Variants in TPCN1 observed in about 807,000 individuals in gnomAD.
TPCN1 encodes the protein two pore channel protein 1.
A neutral mutation model predicts 108.8 loss-of-function variants in TPCN1; 52 were observed. That is an observed-to-expected ratio of 0.48 (90% CI 0.38 to 0.60). The LOEUF is 0.60. Ranked by LOEUF, TPCN1 falls within the 20% of genes least tolerant of loss-of-function variation. The pLI, the probability that TPCN1 is intolerant of heterozygous loss-of-function variation, is 0.00. For missense variants in TPCN1, 806 were observed against 1,072.8 expected (o/e 0.75, Z 3.47); for synonymous variants, 446 against 433.7 (o/e 1.03, Z -0.35).
At chr12:113,279,682 G>A (rs1955824096) in intron 14 of TPCN1, among the ~76,000 whole-genome samples, 1 of 151,956 alleles carries the variant, frequency 6.6e-6, no homozygotes, top group Non-Finnish European at 1.5e-5. Context: ...GGGATTACAG[G>A]CGTGAGCCAC....
At chr12:113,287,161 T>G in intron 19 of TPCN1, 67 bp downstream of exon 19, 2 of 1,349,386 alleles carry the variant, frequency 1.5e-6, no homozygotes, top group Non-Finnish European at 2.1e-6. Context: ...CCAGGATTGA[T>G]CCGGGAAGTG....
intron 27 of TPCN1, among the ~76,000 whole-genome samples, chr12:113,295,403 C>T (rs1956391685): frequency 6.8e-6 from 1 of 146,232 alleles, no homozygotes; most frequent in African/African-American, 2.6e-5. Flanking sequence ...TACCTCGCCA[C>T]TGCTCTCCAG....
At chr12:113,225,309 T>G (rs1247079526) in intron 1 of TPCN1, 2 of 448,232 alleles carry the variant, frequency 4.5e-6, no homozygotes, top group Admixed American at 4.7e-5. Context: ...TTCTCCCACC[T>G]TGACCTCCCA....
chr12:113,237,639 G>A (rs1449839078), intron 2 of TPCN1, among the ~76,000 whole-genome samples: 3 of 152,128 alleles, frequency 2.0e-5, no homozygotes, highest in African/African-American at 7.2e-5. Flanking sequence ...GATTACAGGC[G>A]TGAGCCACCA....
chr12:113,290,314 C>T, intron 22 of TPCN1, 71 bp downstream of exon 22: 1 of 1,093,572 alleles, frequency 9.1e-7, no homozygotes, highest in Admixed American at 2.0e-5. Context: ...CACCACGGGT[C>T]CCAGAGGTGG....
At position 113,242,690 on chromosome 12, in the gene TPCN1, C is replaced by T. The variant is rs7958764; in HGVS notation, c.112+15726C>T. On this transcript the variant is annotated intron_variant, in intron 2 of 27. Coordinates refer to ENST00000335509, the MANE Select transcript of TPCN1 (RefSeq NM_017901.6). Reference sequence around the variant, plus strand: ...ACAGAACCCTCTGCAGTTTCTCAGACGTGCCCTGCTGTTGAAGTCTCTGTG... The same window carrying T: ...ACAGAACCCTCTGCAGTTTCTCAGATGTGCCCTGCTGTTGAAGTCTCTGTG... 5.8e-3 allele frequency among the ~76,000 whole-genome samples: 883 copies of T among 151,836 alleles called. 8 individuals are homozygous for T. The highest frequency in any genetic ancestry group is 0.021 in the African/African-American group (848 of 41,236).
chr12:113,268,763 T>C lies in TPCN1; in HGVS notation c.550T>C (p.Phe184Leu). 2.5e-6 allele frequency: 4 copies of C among 1,613,686 alleles called. No homozygotes were observed. The highest frequency in any genetic ancestry group is 3.4e-6 in the Non-Finnish European group (4 of 1,179,958). Residue 184 changes from phenylalanine to leucine, a missense_variant, in exon 6 of 28, where the codon TTT becomes CTT. Coordinates refer to ENST00000335509, the MANE Select transcript of TPCN1 (RefSeq NM_017901.6). This position sits in a 1 kb window ranked among gnomAD's most constrained non-coding sequence, Gnocchi z 7.3. ...MVKTSVLVVQ[F>L]VEAIVVLVRQ... ...ACAGACCTCGGTGCTGGTGGTGCAGTTTGTCGAGGCCATCGTGGTGTTGGT... is the reference window on the plus strand; with the variant it reads ...ACAGACCTCGGTGCTGGTGGTGCAGCTTGTCGAGGCCATCGTGGTGTTGGT...
chr12:113,225,184 A>T (rs1041207840), intron 1 of TPCN1: 1 of 446,034 alleles, frequency 2.2e-6, no homozygotes, highest in Non-Finnish European at 4.5e-6. Flanking sequence ...CCTCCCAAGC[A>T]GCTAGGCCTA....
At chr12:113,235,054 T>C (rs907959127) in intron 2 of TPCN1, among the ~76,000 whole-genome samples, 2 of 152,228 alleles carry the variant, frequency 1.3e-5, no homozygotes, top group Non-Finnish European at 2.9e-5. Context: ...AAACTCTCCA[T>C]GGCCCTTGAG....
Position 113,288,434 on chromosome 12 carries a change from A to G in TPCN1, c.1706+200A>G. The G allele has an allele frequency of 2.7e-6, 4 of 1,486,066 alleles. No individual in the cohort carries two copies. The highest frequency in any genetic ancestry group is 2.7e-6 in the Non-Finnish European group (3 of 1,120,050). 92.1% of individuals were successfully genotyped at this position (1,486,066 alleles called of 1,614,324 possible). On this transcript the variant is annotated intron_variant, in intron 20 of 27. Transcript: ENST00000335509. This position sits in a 1 kb window ranked among gnomAD's most constrained non-coding sequence, Gnocchi z 4.8. ...ATTTTTCTCCACTGACCTGTCTGAC[A>G]TATTTAGTAGGGAGGGCAGGGAGCT...
rs536593537 is a variant in TPCN1, at chr12:113,237,446, T to G, written c.112+10482T>G. 5.2e-4 allele frequency among the ~76,000 whole-genome samples: 79 copies of G among 152,156 alleles called. 1 individual carries two copies. The highest frequency in any genetic ancestry group is 1.9e-3 in the African/African-American group (77 of 41,516). On this transcript the variant is annotated intron_variant, in intron 2 of 27. Transcript: ENST00000335509. ...GTCTCGGCTCACTGCAACCTCCGCC[T>G]TCCGGGTTCAAGCAATTCTAGTGCC...
At chr12:113,256,148 T>C (rs1487308708) in intron 2 of TPCN1, among the ~76,000 whole-genome samples, 3 of 152,302 alleles carry the variant, frequency 2.0e-5, no homozygotes, top group Admixed American at 1.3e-4. Flanking sequence ...AAAAAATTTT[T>C]TTTTTGTAGA....
intron 2 of TPCN1, among the ~76,000 whole-genome samples, chr12:113,251,936 G>A (rs535039671): frequency 6.6e-6 from 1 of 152,322 alleles, no homozygotes; most frequent in East Asian, 1.9e-4. Context: ...CAGGCTTTTA[G>A]GTGAAAGACA....
intron 15 of TPCN1, among the ~76,000 whole-genome samples, chr12:113,282,606 A>C (rs2136705853): frequency 6.7e-6 from 1 of 150,056 alleles, no homozygotes; most frequent in South Asian, 2.1e-4. Context: ...AAATACAAAA[A>C]TTAACTGGGT....
In TPCN1 at chr12:113,292,922, C is replaced by T. The variant is rs1956314674; in HGVS notation, c.2114-12C>T. ...CCCGGGCCCTTCCCACACCTGCCTT[C>T]CATCCCTGCAGTTGATGGTGGCATC... On this transcript the variant is annotated splice_polypyrimidine_tract_variant and intron_variant, in intron 25 of 27. Coordinates refer to ENST00000335509, the MANE Select transcript of TPCN1 (RefSeq NM_017901.6). The T allele has an allele frequency of 1.2e-6, 2 of 1,608,780 alleles. No homozygotes were observed. The highest frequency in any genetic ancestry group is 2.2e-5 in the East Asian group (1 of 44,854).
chr12:113,229,772 G>C (rs1179350535), intron 2 of TPCN1, among the ~76,000 whole-genome samples: 1 of 152,188 alleles, frequency 6.6e-6, no homozygotes, highest in African/African-American at 2.4e-5. Context: ...GATTATAGGC[G>C]TGAGCCACCA....
chr12:113,253,503 G>A (rs949496968), intron 2 of TPCN1, among the ~76,000 whole-genome samples: 1 of 152,186 alleles, frequency 6.6e-6, no homozygotes, highest in African/African-American at 2.4e-5. Flanking sequence ...TGGGGCTGGA[G>A]GATCTATTTT....
At chr12:113,237,331 G>A (rs1953934080) in intron 2 of TPCN1, among the ~76,000 whole-genome samples, 1 of 152,016 alleles carries the variant, frequency 6.6e-6, no homozygotes, top group Admixed American at 6.6e-5. Context: ...GGTCCCAGAA[G>A]CTCAGCTCAG....
At chr12:113,228,801 C>T (rs919560794) in intron 2 of TPCN1, among the ~76,000 whole-genome samples, 2 of 152,136 alleles carry the variant, frequency 1.3e-5, no homozygotes, top group African/African-American at 2.4e-5. Flanking sequence ...CAGTGGAAGG[C>T]GCTTTGGGGA....
Sources: allele counts gnomAD v4.1 joint callset (sites outside exome capture counted in the v4.1 genomes callset), GRCh38; gene constraint gnomAD v4.1.1; non-coding constraint Gnocchi (gnomAD v3.1); transcripts MANE v1.5; gene names NCBI Gene and HGNC (gene_info 2026-07-23, HGNC 2026-07-21).